The following CTNND2 variants were observed in gnomAD, a reference collection of about 807,000 sequenced individuals.
CTNND2 encodes the protein catenin delta-2.
A neutral mutation model predicts 144.4 loss-of-function variants in CTNND2; 22 were observed. The ratio of observed to expected loss-of-function variants is 0.15; its 90% confidence interval spans 0.11 to 0.22. The LOEUF (loss-of-function observed/expected upper bound fraction) is 0.22. Among genes scored for constraint, CTNND2 ranks in the 10% least tolerant of loss-of-function variants. CTNND2 has a pLI of 1.00. For synonymous variants in CTNND2, 751 were observed against 695.6 expected, an observed-to-expected ratio of 1.08 and a Z score of -1.25; for missense variants, 1,353 against 1,618.8, an observed-to-expected ratio of 0.84 and a Z score of 2.82.
intron 6 of CTNND2, among the ~76,000 whole-genome samples, chr5:11,390,782 TCCC>T (rs758594658): frequency 8.5e-5 from 13 of 152,150 alleles, no homozygotes; most frequent in Non-Finnish European, 1.3e-4. Flanking sequence ...AGCAGTCTGC[TCCC>T]CCATTCACTG....
At chr5:11,583,772 T>C (rs1778617651) in intron 2 of CTNND2, among the ~76,000 whole-genome samples, 1 of 152,198 alleles carries the variant, frequency 6.6e-6, no homozygotes, top group Non-Finnish European at 1.5e-5. Flanking sequence ...CACCCAGAGA[T>C]AAAATAAGTT....
intron 16 of CTNND2, among the ~76,000 whole-genome samples, chr5:11,064,562 C>T (rs2149601003): frequency 6.6e-6 from 1 of 152,026 alleles, no homozygotes; most frequent in Admixed American, 6.6e-5. Context: ...CGGTAACTGT[C>T]CCCACTCTTC....
intron 10 of CTNND2, among the ~76,000 whole-genome samples, chr5:11,220,565 A>AT (rs1298188888): frequency 6.6e-6 from 1 of 152,084 alleles, no homozygotes; most frequent in East Asian, 1.9e-4. Context: ...CAGACAACAG[A>AT]TTTGATCACC....
At chr5:11,690,577 C>T (rs1170779677) in intron 2 of CTNND2, among the ~76,000 whole-genome samples, 2 of 149,810 alleles carry the variant, frequency 1.3e-5, no homozygotes, top group Admixed American at 1.3e-4. Flanking sequence ...ACTAAAAATA[C>T]AAAAAAAAAT....
rs73057826 is a variant in CTNND2 at position 11,341,300 on chromosome 5, C to T, written c.1628+5072G>A. ...ATGCAGATTTCTGTATCAATATAAA[C>T]TAGTGCATAAGGCTTGGATTACTCA... On this transcript the variant is annotated intron_variant, in intron 9 of 21. Coordinates refer to ENST00000304623, the MANE Select transcript of CTNND2 (RefSeq NM_001332.4). Among the ~76,000 whole-genome samples the T allele has an allele frequency of 5.9e-3, 897 of 152,318 alleles. 10 individuals are homozygous for T. Among genetic ancestry groups the T allele is most frequent in the African/African-American group, 0.021 (869 of 41,562 alleles).
chr5:10,996,791 G>C (rs978294715), intron 18 of CTNND2, among the ~76,000 whole-genome samples: 1 of 152,044 alleles, frequency 6.6e-6, no homozygotes, highest in Non-Finnish European at 1.5e-5. Flanking sequence ...TAGAGACGGA[G>C]TTTCACCATG....
rs17802557 is a variant in CTNND2, at chr5:11,397,076, C to G, written c.567G>C (p.Pro189=). ...TAGCTCGGGCTTGTGTGCCTCGGGC[C>G]GGGAGCTGTGAAGGGGTGGTTTCCC... ...ALGETTPSQL[P]ARGTQARATG... is the part of the protein sequence containing the mutation. Residue 189 remains proline, a synonymous_variant, in exon 6 of 22, where the codon CCG becomes CCC. Transcript: ENST00000304623. 22 of 1,613,950 alleles carry G rather than the reference C, an allele frequency of 1.4e-5. 1 individual carries two copies. In the South Asian group the frequency reaches 1.6e-4, roughly 12 times the overall value.
At chr5:11,734,073 C>T (rs1246501634) in intron 1 of CTNND2, among the ~76,000 whole-genome samples, 1 of 152,144 alleles carries the variant, frequency 6.6e-6, no homozygotes, top group African/African-American at 2.4e-5. Context: ...AGCAATAAGG[C>T]ATCATCTATA....
At chr5:11,206,684 C>T (rs974151014) in intron 10 of CTNND2, among the ~76,000 whole-genome samples, 1 of 152,180 alleles carries the variant, frequency 6.6e-6, no homozygotes, top group Non-Finnish European at 1.5e-5. Flanking sequence ...TTTCATGATG[C>T]TAAAATCCCA....
At chr5:11,387,771 G>A (rs1242287037) in intron 6 of CTNND2, among the ~76,000 whole-genome samples, 1 of 152,112 alleles carries the variant, frequency 6.6e-6, no homozygotes, top group African/African-American at 2.4e-5. Context: ...CACTAACGAT[G>A]CCATTACCAA....
chr5:11,206,103 C>T (rs534562307), intron 10 of CTNND2, among the ~76,000 whole-genome samples: 7 of 152,308 alleles, frequency 4.6e-5, no homozygotes, highest in Middle Eastern at 3.4e-3. Context: ...TAATTGCTTT[C>T]TTACCCGGCC....
chr5:11,541,764 G>A (rs899227721), intron 3 of CTNND2, among the ~76,000 whole-genome samples: 26 of 150,958 alleles, frequency 1.7e-4, no homozygotes, highest in African/African-American at 5.8e-4. Flanking sequence ...TCAGACCCCC[G>A]CAGTCTGTGT....
At chr5:11,050,108 T>A (rs1485260484) in intron 16 of CTNND2, among the ~76,000 whole-genome samples, 1 of 152,212 alleles carries the variant, frequency 6.6e-6, no homozygotes, top group Non-Finnish European at 1.5e-5. Context: ...GCCTATGGAA[T>A]TTTAACTGGA....
At chr5:11,487,283 TTAA>T (rs1290529727) in intron 3 of CTNND2, among the ~76,000 whole-genome samples, 1 of 152,240 alleles carries the variant, frequency 6.6e-6, no homozygotes, top group African/African-American at 2.4e-5. Context: ...TAGCATCTTC[TTAA>T]TAATACATAC....
intron 2 of CTNND2, among the ~76,000 whole-genome samples, chr5:11,605,178 T>C (rs1779984810): frequency 6.6e-6 from 1 of 152,202 alleles, no homozygotes; most frequent in African/African-American, 2.4e-5. Context: ...TTCATTCTCC[T>C]AACAGTGCCA....
intron 3 of CTNND2, among the ~76,000 whole-genome samples, chr5:11,535,330 C>A (rs1344282021): frequency 6.6e-6 from 1 of 152,152 alleles, no homozygotes. Context: ...AAACAGCCTG[C>A]AATATGGTGT....
intron 9 of CTNND2, among the ~76,000 whole-genome samples, chr5:11,323,651 G>A (rs948920908): frequency 1.3e-5 from 2 of 152,192 alleles, no homozygotes; most frequent in Non-Finnish European, 2.9e-5. Context: ...TTTTAGACAT[G>A]TTGGGTTTGA....
intron 1 of CTNND2, among the ~76,000 whole-genome samples, chr5:11,838,340 C>T (rs1365495392): frequency 6.6e-6 from 1 of 152,188 alleles, no homozygotes; most frequent in Admixed American, 6.5e-5. Context: ...ATTTCAAACA[C>T]AGCAGGCACA....
rs552556828 is a variant in CTNND2 at position 11,404,276 on chromosome 5, A to C, written c.440-7073T>G. Among the ~76,000 whole-genome samples, 16 of 152,276 alleles carry C rather than the reference A, an allele frequency of 1.1e-4. No homozygotes were observed. In the East Asian group the frequency reaches 3.1e-3, roughly 29 times the overall value. On this transcript the variant is annotated intron_variant, in intron 5 of 21. Transcript: ENST00000304623. ...GGGCCACGAAGACCCCAGAATTCCC[A>C]AGTATATTTTGAGAAAAGGTGCTCT...
Sources: gnomAD v4.1 joint callset for allele counts (sites outside exome capture counted in the v4.1 genomes callset) on GRCh38, gnomAD v4.1.1 for gene constraint, MANE v1.5 for transcripts, NCBI Gene and HGNC (gene_info 2026-07-23, HGNC 2026-07-21) for gene names.